Variants in USP6NL observed in about 807,000 individuals in gnomAD.
USP6NL encodes the protein USP6 N-terminal like, also known as USP6 N-terminal-like protein.
USP6NL carries 26 observed loss-of-function variants against 61.9 expected under a neutral mutation model. That is an observed-to-expected ratio of 0.42 (90% CI 0.31 to 0.58). USP6NL has a LOEUF of 0.58. USP6NL is among the 20% of genes least tolerant of loss of function. The pLI is 0.16. For missense variants in USP6NL, 1,114 were observed against 1,034.3 expected (o/e 1.08, Z -1.06); for synonymous variants, 432 against 390.1 (o/e 1.11, Z -1.27).
chr10:11,602,811 C>A lies in USP6NL; in HGVS notation c.-83-5094G>T, dbSNP rs1588426099. ...AACCTGAAACACTTCTGGTCCCAAG[C>A]ATTTCAGGTAAGAGATACTCAACCT... is the stretch of plus-strand genomic sequence containing the variant. On this transcript the variant is annotated intron_variant, in intron 1 of 14. Transcript: ENST00000609104. This position sits in a 1 kb window ranked among gnomAD's most constrained non-coding sequence, Gnocchi z 4.8. Among the ~76,000 whole-genome samples the A allele has an allele frequency of 6.6e-6, 1 of 152,148 alleles. No homozygotes were observed. The highest frequency in any genetic ancestry group is 2.1e-4 in the South Asian group (1 of 4,828).
At chr10:11,559,261 A>G (rs1048793822) in intron 2 of USP6NL, among the ~76,000 whole-genome samples, 2 of 152,206 alleles carry the variant, frequency 1.3e-5, no homozygotes, top group Non-Finnish European at 2.9e-5. Flanking sequence ...ATTAAAGGAA[A>G]TATTTATTGA....
rs1833675517 is a variant in USP6NL, at chr10:11,490,661, CTA to C, written c.543+169_543+170del. 6.6e-6 allele frequency among the ~76,000 whole-genome samples: 1 copy of C among 152,222 alleles called. No homozygotes were observed. The highest frequency in any genetic ancestry group is 1.5e-5 in the Non-Finnish European group (1 of 68,042). On this transcript the variant is annotated intron_variant, in intron 9 of 14. Transcript: ENST00000609104. The surrounding 1 kb of genome is among the most constrained non-coding windows in gnomAD (Gnocchi z 4.5). ...CTTCCACTTCAGAATCAGCTCTGTT[CTA>C]AGGCCCTAGGGTTATCACAGGGTTT...
In USP6NL at chr10:11,528,019, G is replaced by A. The variant is rs192174676; in HGVS notation, c.5-452C>T. ...TTTTACATGATACAAATATGTCTTT[G>A]TTTAGCCTTTTAGTTCCCTTTATCA... On this transcript the variant is annotated intron_variant, in intron 2 of 14. Coordinates refer to ENST00000609104, the MANE Select transcript of USP6NL (RefSeq NM_014688.5). The surrounding 1 kb of genome is among the most constrained non-coding windows in gnomAD (Gnocchi z 4.6). Among the ~76,000 whole-genome samples, 43 of 152,036 alleles carry A rather than the reference G, an allele frequency of 2.8e-4. No homozygotes were observed. The highest frequency in any genetic ancestry group is 6.6e-4 in the Admixed American group (10 of 15,266).
At chr10:11,464,093 G>A (rs1354691817) in intron 14 of USP6NL, among the ~76,000 whole-genome samples, 1 of 152,178 alleles carries the variant, frequency 6.6e-6, no homozygotes, top group Non-Finnish European at 1.5e-5. Context: ...CTCACAATTA[G>A]GCCAAATGTA....
rs1838386591 is a variant in USP6NL, at chr10:11,598,037, C to G, written c.-83-320G>C. Reference sequence around the variant, plus strand: ...TCCCCATTCCCAGCTAAGAAAATCACAGGTAGAAGGCACTCCATCTAGGGT... The same window carrying G: ...TCCCCATTCCCAGCTAAGAAAATCAGAGGTAGAAGGCACTCCATCTAGGGT... On this transcript the variant is annotated intron_variant, in intron 1 of 14. Coordinates refer to ENST00000609104, the MANE Select transcript of USP6NL (RefSeq NM_014688.5). This position sits in a 1 kb window ranked among gnomAD's most constrained non-coding sequence, Gnocchi z 4.7. Among the ~76,000 whole-genome samples the G allele has an allele frequency of 6.6e-6, 1 of 152,170 alleles. No individual in the cohort carries two copies. The highest frequency in any genetic ancestry group is 2.4e-5 in the African/African-American group (1 of 41,442).
chr10:11,547,398 C>T (rs898971102), intron 2 of USP6NL, among the ~76,000 whole-genome samples: 3 of 152,140 alleles, frequency 2.0e-5, no homozygotes, highest in South Asian at 2.1e-4. Flanking sequence ...GGCGGCAGAG[C>T]GGGATGTGAA....
Position 11,518,456 on chromosome 10 carries a change from A to G in USP6NL, c.195+79T>C. ...ATTCCCATATAATATGGCACTTAAA[A>G]TCACAAAGGTGGTCAATTTTATTCT... is the stretch of plus-strand genomic sequence containing the variant. On this transcript the variant is annotated intron_variant, in intron 5 of 14. Transcript: ENST00000609104. This position sits in a 1 kb window ranked among gnomAD's most constrained non-coding sequence, Gnocchi z 5.3. The G allele has an allele frequency of 7.5e-7, 1 of 1,332,404 alleles. No homozygotes were observed. The highest frequency in any genetic ancestry group is 1.1e-6 in the Non-Finnish European group (1 of 930,680). The allele number at this position is 1,332,404 out of a possible 1,614,324, so 82.5% of individuals were successfully genotyped here.
chr10:11,581,268 T>A (rs532051129), intron 2 of USP6NL, among the ~76,000 whole-genome samples: 53 of 152,360 alleles, frequency 3.5e-4, no homozygotes, highest in African/African-American at 1.2e-3. Flanking sequence ...TACTTTTTGT[T>A]ACTGATTTTA....
Position 11,463,362 on chromosome 10 carries a change from A to C in USP6NL, c.1566T>G (p.Pro522=). 5 of 1,614,006 alleles carry C rather than the reference A, an allele frequency of 3.1e-6. No homozygotes were observed. The highest frequency in any genetic ancestry group is 4.2e-6 in the Non-Finnish European group (5 of 1,179,904). Residue 522 remains proline (P), a synonymous_variant, in exon 15 of 15, where the codon CCT becomes CCG. Transcript: ENST00000609104. This position sits in a 1 kb window ranked among gnomAD's most constrained non-coding sequence, Gnocchi z 6.3. ...HPALAVTVPG[P]AEVRVSNVRP... Reference sequence around the variant, plus strand: ...GCACGTTTGACACCCGCACCTCGGCAGGACCTGGGACGGTAACTGCGAGCG... The same window carrying C: ...GCACGTTTGACACCCGCACCTCGGCCGGACCTGGGACGGTAACTGCGAGCG...
intron 2 of USP6NL, among the ~76,000 whole-genome samples, chr10:11,582,105 C>T (rs1156309437): frequency 1.3e-5 from 2 of 152,224 alleles, no homozygotes; most frequent in African/African-American, 4.8e-5. Flanking sequence ...GCTGGAATTA[C>T]AGGTGCCTGC....
chr10:11,517,433 C>T (rs1000571245), intron 5 of USP6NL, among the ~76,000 whole-genome samples: 1 of 152,246 alleles, frequency 6.6e-6, no homozygotes, highest in Non-Finnish European at 1.5e-5. Context: ...CACCAGTCGT[C>T]TCCTACCTGT....
intron 2 of USP6NL, among the ~76,000 whole-genome samples, chr10:11,579,305 G>C (rs151007166): frequency 6.6e-6 from 1 of 152,294 alleles, no homozygotes; most frequent in East Asian, 1.9e-4. Context: ...ACCACAAATT[G>C]ATAATCACTT....
In USP6NL at chr10:11,511,283, T is replaced by G. The variant is rs891242361; in HGVS notation, c.196-1608A>C. On this transcript the variant is annotated intron_variant, in intron 5 of 14. Coordinates refer to ENST00000609104, the MANE Select transcript of USP6NL (RefSeq NM_014688.5). This position sits in a 1 kb window ranked among gnomAD's most constrained non-coding sequence, Gnocchi z 4.9. ...CAAAAGGCTAAGTATATTTTCCTCA[T>G]TATATTATTAGTGATAAACTGTTGC... Among the ~76,000 whole-genome samples the G allele has an allele frequency of 1.3e-5, 2 of 152,230 alleles. No individual in the cohort carries two copies. Among genetic ancestry groups the G allele is most frequent in the African/African-American group, 2.4e-5 (1 of 41,456 alleles).
intron 14 of USP6NL, among the ~76,000 whole-genome samples, 171 bp from the exon 15 acceptor site, chr10:11,464,020 C>G (rs1044666605): frequency 2.0e-5 from 3 of 152,192 alleles, no homozygotes; most frequent in African/African-American, 7.2e-5. Context: ...ACTGTTTATA[C>G]CACAGAAAGT....
At chr10:11,509,842 T>A (rs1245638041) in intron 5 of USP6NL, among the ~76,000 whole-genome samples, 167 bp from the exon 6 acceptor site, 1 of 152,244 alleles carries the variant, frequency 6.6e-6, no homozygotes, top group African/African-American at 2.4e-5. Context: ...GTATCAATAC[T>A]AGTCCATAGC....
chr10:11,608,572 T>G (rs1313234299), intron 1 of USP6NL, among the ~76,000 whole-genome samples: 1 of 152,196 alleles, frequency 6.6e-6, no homozygotes, highest in African/African-American at 2.4e-5. Flanking sequence ...TCTTCAGGTC[T>G]TACAAGTCGC....
At position 11,470,460 on chromosome 10, in the gene USP6NL, C is replaced by T. The variant is rs1832690140; in HGVS notation, c.1079-6611G>A. Among the ~76,000 whole-genome samples, 1 of 152,200 alleles carries T rather than the reference C, an allele frequency of 6.6e-6. No homozygotes were observed. Among genetic ancestry groups the T allele is most frequent in the Non-Finnish European group, 1.5e-5 (1 of 68,032 alleles). On this transcript the variant is annotated intron_variant, in intron 14 of 14. Transcript: ENST00000609104. The surrounding 1 kb of genome is among the most constrained non-coding windows in gnomAD (Gnocchi z 5.4). ...GATTAATTATTCAACCTCCACTGAA[C>T]TGAAAACACATCATGCAGACCCTGT...
intron 14 of USP6NL, among the ~76,000 whole-genome samples, chr10:11,480,641 C>T (rs984937515): frequency 3.3e-5 from 5 of 152,136 alleles, no homozygotes; most frequent in African/African-American, 9.7e-5. Context: ...GCTGATTAGA[C>T]CCTTCTCAAT....
intron 5 of USP6NL, among the ~76,000 whole-genome samples, chr10:11,517,356 A>G (rs994972194): frequency 1.3e-5 from 2 of 152,110 alleles, no homozygotes; most frequent in African/African-American, 2.4e-5. Context: ...CTCAGCTACA[A>G]AGAATCTGCC....
Sources: allele counts gnomAD v4.1 joint callset (sites outside exome capture counted in the v4.1 genomes callset), GRCh38; gene constraint gnomAD v4.1.1; non-coding constraint Gnocchi (gnomAD v3.1); transcripts MANE v1.5; gene names NCBI Gene and HGNC (gene_info 2026-07-23, HGNC 2026-07-21).